Variants in AP3B1 observed in about 807,000 individuals in gnomAD.
The protein encoded by AP3B1 is adaptor related protein complex 3 subunit beta 1.
AP3B1 carries 61 observed loss-of-function variants against 132.5 expected under a neutral mutation model. That is an observed-to-expected ratio of 0.46 (90% CI 0.37 to 0.57). AP3B1 has a LOEUF of 0.57. Ranked by LOEUF, AP3B1 falls within the 20% of genes least tolerant of loss-of-function variation. The pLI, the probability that AP3B1 is intolerant of heterozygous loss-of-function variation, is 0.00. For missense variants in AP3B1, 1,120 were observed against 1,289.4 expected (o/e 0.87, Z 2.01); for synonymous variants, 388 against 438.3 (o/e 0.89, Z 1.43).
Position 78,267,399 on chromosome 5 carries a change from A to G in AP3B1, c.204+121T>C, listed in dbSNP as rs1041035471. The G allele has an allele frequency of 5.5e-4, 228 of 414,922 alleles. 3 individuals carry two copies. In the East Asian group the frequency reaches 0.01, roughly 18 times the overall value. 25.7% of individuals were successfully genotyped at this position (414,922 alleles called of 1,614,324 possible). A position where few individuals can be genotyped will look rare whatever the true frequency, so the allele number is the denominator to read the frequency against. On this transcript the variant is annotated intron_variant, in intron 2 of 26. Transcript: ENST00000255194. ...ATTTTTGGACAGGAAATTCTAAGTTAATATTAAGGGCAAACAGAATATTAG... is the reference window on the plus strand; with the variant it reads ...ATTTTTGGACAGGAAATTCTAAGTTGATATTAAGGGCAAACAGAATATTAG...
At chr5:78,075,653 G>A (rs1749737710) in intron 22 of AP3B1, among the ~76,000 whole-genome samples, 1 of 152,210 alleles carries the variant, frequency 6.6e-6, no homozygotes. Flanking sequence ...TTTGCTTTGT[G>A]GCTTTTCTTT....
intron 14 of AP3B1, among the ~76,000 whole-genome samples, chr5:78,142,029 C>T (rs1406992179): frequency 6.6e-6 from 1 of 152,142 alleles, no homozygotes; most frequent in Non-Finnish European, 1.5e-5. Context: ...GTATTAGCAT[C>T]TACAACACTG....
At chr5:78,167,088 GTC>G (rs1443589728) in intron 11 of AP3B1, among the ~76,000 whole-genome samples, 1 of 152,032 alleles carries the variant, frequency 6.6e-6, no homozygotes, top group African/African-American at 2.4e-5. Flanking sequence ...AATCTTCACA[GTC>G]TATACATCTG....
At chr5:78,020,577 G>A in intron 25 of AP3B1, 115 bp downstream of exon 25, 1 of 788,354 alleles carries the variant, frequency 1.3e-6, no homozygotes, top group Non-Finnish European at 2.1e-6. Context: ...GGAAGATTGT[G>A]CACTAATATC....
intron 11 of AP3B1, among the ~76,000 whole-genome samples, chr5:78,174,770 G>A (rs1360855986): frequency 6.6e-6 from 1 of 152,254 alleles, no homozygotes; most frequent in South Asian, 2.1e-4. Context: ...CTGTCAGACA[G>A]GTACACTGAT....
intron 24 of AP3B1, among the ~76,000 whole-genome samples, chr5:78,029,297 T>C (rs1209959504): frequency 4.6e-5 from 7 of 152,298 alleles, no homozygotes; most frequent in African/African-American, 1.4e-4. Flanking sequence ...CTTGGAGGAT[T>C]ACAATGAACA....
At chr5:78,046,052 G>A (rs1236133076) in intron 22 of AP3B1, among the ~76,000 whole-genome samples, 1 of 152,160 alleles carries the variant, frequency 6.6e-6, no homozygotes, top group African/African-American at 2.4e-5. Flanking sequence ...TACAAAAAAA[G>A]TTTGCTGACC....
At chr5:78,044,740 C>T (rs1748246877) in intron 22 of AP3B1, among the ~76,000 whole-genome samples, 1 of 152,158 alleles carries the variant, frequency 6.6e-6, no homozygotes, top group South Asian at 2.1e-4. Context: ...CTCACTGATT[C>T]CTTCTCTCAG....
chr5:78,042,772 T>C (rs1282593917), intron 22 of AP3B1: 2 of 157,508 alleles, frequency 1.3e-5, no homozygotes, highest in African/African-American at 2.4e-5. Flanking sequence ...GATGAACACA[T>C]GATGGACACA....
Position 78,292,281 on chromosome 5 carries a change from A to C in AP3B1, c.128+2171T>G, listed in dbSNP as rs4512117. Among the ~76,000 whole-genome samples the C allele has an allele frequency of 6.5e-3, 983 of 152,320 alleles. 6 individuals carry two copies. The highest frequency in any genetic ancestry group is 0.022 in the African/African-American group (924 of 41,558). ...AGAGAGATTTAATGACCACTTCCAG[A>C]ACAGGGGTCTCCTTGTTTCTGTACA... is the stretch of plus-strand genomic sequence containing the variant. On this transcript the variant is annotated intron_variant, in intron 1 of 26. Transcript: ENST00000255194.
intron 26 of AP3B1, among the ~76,000 whole-genome samples, chr5:78,011,757 T>G (rs906651498): frequency 6.6e-6 from 1 of 152,178 alleles, no homozygotes; most frequent in African/African-American, 2.4e-5. Context: ...ACTAAGTATT[T>G]CTTTACCTGG....
Position 78,293,564 on chromosome 5 carries a change from G to A in AP3B1, c.128+888C>T, listed in dbSNP as rs759836533. ...TTTAATTATACCCTCTAACAGATCT[G>A]CAAAGCTACTAGCACAGCTATTCTA... On this transcript the variant is annotated intron_variant, in intron 1 of 26. Transcript: ENST00000255194. Among the ~76,000 whole-genome samples, 18 of 152,270 alleles carry A rather than the reference G, an allele frequency of 1.2e-4. 1 individual carries two copies. Among genetic ancestry groups the A allele is most frequent in the East Asian group, 5.8e-4 (3 of 5,192 alleles).
intron 7 of AP3B1, among the ~76,000 whole-genome samples, chr5:78,204,225 T>C (rs1460702279): frequency 6.6e-6 from 1 of 152,164 alleles, no homozygotes; most frequent in Non-Finnish European, 1.5e-5. Flanking sequence ...TCCCCAGGGA[T>C]TATTGTTGCT....
chr5:78,105,572 A>G lies in AP3B1; in HGVS notation c.2398-4547T>C, dbSNP rs182370114. Among the ~76,000 whole-genome samples, 995 of 152,256 alleles carry G rather than the reference A, an allele frequency of 6.5e-3. 15 individuals are homozygous for G. Among genetic ancestry groups the G allele is most frequent in the Non-Finnish European group, 6.6e-3 (448 of 67,998 alleles). On this transcript the variant is annotated intron_variant, in intron 20 of 26. Transcript: ENST00000255194. ...ATATAAAAAAAAATTTCCCCTTTAC[A>G]TTGTGTAAAGTATGTGAAATCACTT... is the stretch of plus-strand genomic sequence containing the variant.
Position 78,116,249 on chromosome 5 carries a change from A to G in AP3B1, c.1969-15T>C, listed in dbSNP as rs770847947. The G allele has an allele frequency of 1.8e-5, 28 of 1,583,060 alleles. No homozygotes were observed. The highest frequency in any genetic ancestry group is 2.4e-5 in the Non-Finnish European group (28 of 1,152,318). ...CATTCTTTTGCCTGTTTAAACAAAT[A>G]AAGTAAATATAAATGAATTCTCATT... On this transcript the variant is annotated splice_polypyrimidine_tract_variant and intron_variant, in intron 17 of 26. Transcript: ENST00000255194.
intron 22 of AP3B1, among the ~76,000 whole-genome samples, chr5:78,058,515 A>G (rs981335780): frequency 6.6e-6 from 1 of 152,036 alleles, no homozygotes; most frequent in African/African-American, 2.4e-5. Context: ...AAAAAATGTT[A>G]TTATAATTCT....
chr5:78,113,521 C>G (rs535208222), intron 19 of AP3B1, among the ~76,000 whole-genome samples: 10 of 152,052 alleles, frequency 6.6e-5, no homozygotes, highest in Non-Finnish European at 1.5e-4. Flanking sequence ...AAGGTTATAC[C>G]AATTTTCAAA....
At chr5:78,093,688 T>C (rs1750635165) in intron 21 of AP3B1, among the ~76,000 whole-genome samples, 1 of 152,248 alleles carries the variant, frequency 6.6e-6, no homozygotes, top group Non-Finnish European at 1.5e-5. Flanking sequence ...TGCTGCATCA[T>C]CTGCATCATT....
At chr5:78,210,207 T>C (rs1378601316) in intron 7 of AP3B1, among the ~76,000 whole-genome samples, 1 of 152,128 alleles carries the variant, frequency 6.6e-6, no homozygotes, top group East Asian at 1.9e-4. Context: ...ATGACAAAAT[T>C]TGTTTTAACA....
Sources: allele counts gnomAD v4.1 joint callset (sites outside exome capture counted in the v4.1 genomes callset), GRCh38; gene constraint gnomAD v4.1.1; transcripts MANE v1.5; gene names NCBI Gene and HGNC (gene_info 2026-07-23, HGNC 2026-07-21).